The following OSBPL7 variants were observed in gnomAD, a reference collection of about 807,000 sequenced individuals.
OSBPL7 encodes oxysterol-binding protein-related protein 7.
In OSBPL7, 66 loss-of-function variants were observed where a neutral mutation model predicts 115.8. The ratio of observed to expected loss-of-function variants is 0.57; its 90% confidence interval spans 0.47 to 0.70. OSBPL7 has a LOEUF of 0.70. Among genes scored for constraint, OSBPL7 ranks in the 30% least tolerant of loss-of-function variants. OSBPL7 has a pLI of 0.00. For missense variants in OSBPL7, 902 were observed against 1,125.5 expected, an observed-to-expected ratio of 0.80 and a Z score of 2.84; for synonymous variants, 441 against 439.2, an observed-to-expected ratio of 1.00 and a Z score of -0.05.
At position 47,813,727 on chromosome 17, in the gene OSBPL7, T is replaced by C. The variant is rs999387057; in HGVS notation, c.1459A>G (p.Ile487Val). 9.3e-6 allele frequency: 15 copies of C among 1,613,310 alleles called. No homozygotes were observed. Among genetic ancestry groups the C allele is most frequent in the Non-Finnish European group, 1.1e-5 (13 of 1,179,986 alleles). Residue 487 changes from isoleucine to valine, a missense_variant, in exon 15 of 23, where the codon ATC (isoleucine) becomes GTC (valine). Physicochemically the swap from Ile to Val is conservative, Grantham distance 29 (BLOSUM62 3). Transcript: ENST00000007414. ...GACACCTTGGACAGGTCTTTGCCGA[T>C]GTTGTTGCGCAGAATGTTCCACAGG... ...VSLWNILRNN[I>V]GKDLSKVSMP... is the part of the protein sequence containing the mutation.
In OSBPL7 at chr17:47,816,224, C is replaced by T. The variant is rs960676792; in HGVS notation, c.1024-22G>A. 11 of 1,544,246 alleles carry T rather than the reference C, an allele frequency of 7.1e-6. No homozygotes were observed. In the African/African-American group the frequency reaches 1.4e-4, roughly 19 times the overall value. Reference sequence around the variant, plus strand: ...AGACCTGCAGGGAGAGGGTGAGGGACACGGTGCCAGGAGGATGAGGTCCTC... The same window carrying T: ...AGACCTGCAGGGAGAGGGTGAGGGATACGGTGCCAGGAGGATGAGGTCCTC... On this transcript the variant is annotated intron_variant, in intron 11 of 22. Coordinates refer to ENST00000007414, the MANE Select transcript of OSBPL7 (RefSeq NM_145798.3). This position sits in a 1 kb window ranked among gnomAD's most constrained non-coding sequence, Gnocchi z 5.8.
chr17:47,820,365 C>T lies in OSBPL7; in HGVS notation c.-87G>A, dbSNP rs1297439207. Reference sequence around the variant, plus strand: ...GGATGTCACCTGCTCCTGACGGGGTCCTTGAAGCAAGAGAAAGACCCCCTT... The same window carrying T: ...GGATGTCACCTGCTCCTGACGGGGTTCTTGAAGCAAGAGAAAGACCCCCTT... On this transcript the variant is annotated splice_region_variant and 5_prime_UTR_variant, in exon 2 of 23. Coordinates refer to ENST00000007414, the MANE Select transcript of OSBPL7 (RefSeq NM_145798.3). The T allele has an allele frequency of 7.4e-7, 1 of 1,346,126 alleles. No homozygotes were observed. Among genetic ancestry groups the T allele is most frequent in the Non-Finnish European group, 1.0e-6 (1 of 984,994 alleles). 83.4% of individuals were successfully genotyped at this position (1,346,126 alleles called of 1,614,324 possible).
chr17:47,813,448 C>A (rs750449731), intron 15 of OSBPL7, 45 bp from the exon 16 acceptor site: 3 of 1,610,340 alleles, frequency 1.9e-6, no homozygotes, highest in South Asian at 1.1e-5. Flanking sequence ...ACGGGGCCGC[C>A]ACCCCAAGCA....
intron 13 of OSBPL7, 128 bp downstream of exon 13, chr17:47,815,087 A>G: frequency 8.0e-7 from 1 of 1,256,232 alleles, no homozygotes; most frequent in Non-Finnish European, 1.1e-6. Context: ...TGATCTGGAC[A>G]TAGTCCCAGA....
rs769548094 is a variant in OSBPL7 at position 47,815,248 on chromosome 17, C to T, written c.1224G>A (p.Glu408=). Residue 408 remains glutamate, a synonymous_variant, in exon 13 of 23, where the codon GAG becomes GAA. Coordinates refer to ENST00000007414, the MANE Select transcript of OSBPL7 (RefSeq NM_145798.3). ...DSHTEFFDAC[E]VLLSASSSEN... is the part of the protein sequence containing the mutation. Reference sequence around the variant, plus strand: ...CAGAAGAGCTGGCGGAGAGGAGAACCTCGCAGGCATCGAAGAACTCCGTGT... The same window carrying T: ...CAGAAGAGCTGGCGGAGAGGAGAACTTCGCAGGCATCGAAGAACTCCGTGT... 29 of 1,613,780 alleles carry T rather than the reference C, an allele frequency of 1.8e-5. No individual in the cohort carries two copies. The Admixed American group carries it at 4.5e-4, about 25-fold the overall frequency.
At chr17:47,812,493 C>T (rs891397431) in intron 16 of OSBPL7, among the ~76,000 whole-genome samples, 5 of 145,022 alleles carry the variant, frequency 3.4e-5, no homozygotes, top group African/African-American at 1.2e-4. Context: ...TAGTGTGTTC[C>T]CACACACATT....
rs573268607 is a variant in OSBPL7, at chr17:47,818,367, G to A, written c.500C>T (p.Pro167Leu). ...AHRKVPGAQLPTAATASALPG... is the reference protein window; with the variant it reads ...AHRKVPGAQLLTAATASALPG... ...TAGGGCTGAGGCAGTAGCTGCTGTTGGAAGCTGGGCACCAGGAACCTGTGG... is the reference window on the plus strand; with the variant it reads ...TAGGGCTGAGGCAGTAGCTGCTGTTAGAAGCTGGGCACCAGGAACCTGTGG... The change falls in exon 7 of 23, where the codon CCA becomes CTA. Residue 167 changes from proline to leucine, a missense_variant. Pro to Leu is a moderately conservative substitution (Grantham distance 98). Transcript: ENST00000007414. The A allele has an allele frequency of 1.2e-6, 2 of 1,613,988 alleles. No individual in the cohort carries two copies. Among genetic ancestry groups the A allele is most frequent in the African/African-American group, 2.7e-5 (2 of 75,056 alleles).
At chr17:47,818,663 A>G (rs1466109068) in intron 5 of OSBPL7, 47 bp from the exon 6 acceptor site, 3 of 1,502,040 alleles carry the variant, frequency 2.0e-6, no homozygotes, top group Non-Finnish European at 2.7e-6. Flanking sequence ...GAGAGGGACC[A>G]CTTTCCAAGA....
Position 47,816,230 on chromosome 17 carries a change from G to A in OSBPL7, c.1024-28C>T, listed in dbSNP as rs1412047932. 1.9e-6 allele frequency: 3 copies of A among 1,540,400 alleles called. No homozygotes were observed. Among genetic ancestry groups the A allele is most frequent in the Non-Finnish European group, 2.6e-6 (3 of 1,139,484 alleles). On this transcript the variant is annotated intron_variant, in intron 11 of 22. Coordinates refer to ENST00000007414, the MANE Select transcript of OSBPL7 (RefSeq NM_145798.3). The surrounding 1 kb of genome is among the most constrained non-coding windows in gnomAD (Gnocchi z 5.8). ...GCAGGGAGAGGGTGAGGGACACGGTGCCAGGAGGATGAGGTCCTCCCCACC... is the reference window on the plus strand; with the variant it reads ...GCAGGGAGAGGGTGAGGGACACGGTACCAGGAGGATGAGGTCCTCCCCACC...
Position 47,813,584 on chromosome 17 carries a change from T to C in OSBPL7, c.1599+3A>G, listed in dbSNP as rs376783953. Reference sequence around the variant, plus strand: ...GCTGGGCGTGAGGACAGGAAGCAGGTACCATGCGCTCGCAGGGGTCGGCGA... The same window carrying C: ...GCTGGGCGTGAGGACAGGAAGCAGGCACCATGCGCTCGCAGGGGTCGGCGA... On this transcript the variant is annotated splice_donor_region_variant and intron_variant, in intron 15 of 22. Coordinates refer to ENST00000007414, the MANE Select transcript of OSBPL7 (RefSeq NM_145798.3). 120 of 1,608,726 alleles carry C rather than the reference T, an allele frequency of 7.5e-5. No homozygotes were observed. In the African/African-American group the frequency reaches 1.5e-3, roughly 20 times the overall value.
chr17:47,816,462 C>A lies in OSBPL7; in HGVS notation c.949G>T (p.Val317Phe), dbSNP rs372046399. 3 of 1,545,422 alleles carry A rather than the reference C, an allele frequency of 1.9e-6. No individual in the cohort carries two copies. Among genetic ancestry groups the A allele is most frequent in the South Asian group, 2.4e-5 (2 of 82,136 alleles). ...CGTTCCATGGTGAGGGCGGCCAGGA[C>A]GCTGCTGAGGGAGCTGTGCACTACA... ...AQKVHSSLSS[V>F]LAALTMERDQ... Residue 317 changes from valine to phenylalanine, a missense_variant, in exon 11 of 23, where the codon GTC (valine) becomes TTC (phenylalanine). Val to Phe is a conservative substitution (Grantham distance 50, BLOSUM62 -1). Transcript: ENST00000007414. The surrounding 1 kb of genome is among the most constrained non-coding windows in gnomAD (Gnocchi z 5.8).
At chr17:47,817,673 G>A (rs113644715) in intron 7 of OSBPL7, among the ~76,000 whole-genome samples, 1 of 152,282 alleles carries the variant, frequency 6.6e-6, no homozygotes, top group African/African-American at 2.4e-5. Context: ...TTACAGGCAT[G>A]AGCCACCGAA....
chr17:47,813,607 C>A lies in OSBPL7; in HGVS notation c.1579G>T (p.Ala527Ser), dbSNP rs888913478. 1 of 1,611,210 alleles carries A rather than the reference C, an allele frequency of 6.2e-7. No individual in the cohort carries two copies. Among genetic ancestry groups the A allele is most frequent in the Non-Finnish European group, 8.5e-7 (1 of 1,178,806 alleles). ...SSLLDQASRI[A>S]DPCERMVYIA... is the part of the protein sequence containing the mutation. ...GGTACCATGCGCTCGCAGGGGTCGGCGATGCGGCTGGCCTGGTCCAGGAGG... is the reference window on the plus strand; with the variant it reads ...GGTACCATGCGCTCGCAGGGGTCGGAGATGCGGCTGGCCTGGTCCAGGAGG... Residue 527 changes from alanine to serine, a missense_variant, in exon 15 of 23, where the codon GCC becomes TCC. This residue lies in a region of OSBPL7 where 667 missense variants were observed against 788.7 expected (regional missense o/e 0.85). Transcript: ENST00000007414.
intron 3 of OSBPL7, 42 bp downstream of exon 3, chr17:47,819,929 C>G: frequency 6.4e-7 from 1 of 1,558,334 alleles, no homozygotes; most frequent in Non-Finnish European, 8.8e-7. Flanking sequence ...ATTCCCACCC[C>G]GCCCCCCATG....
chr17:47,820,140 G>A lies in OSBPL7; in HGVS notation c.76-44C>T, dbSNP rs769222992. 99 of 1,613,328 alleles carry A rather than the reference G, an allele frequency of 6.1e-5. No individual in the cohort carries two copies. The highest frequency in any genetic ancestry group is 1.1e-4 in the East Asian group (5 of 44,848). ...GGAGGGGAGCACTGGTGAGACGTCC[G>A]CCTTGGCCCCTCCCTGTCTGGTTCC... On this transcript the variant is annotated intron_variant, in intron 2 of 22. Coordinates refer to ENST00000007414, the MANE Select transcript of OSBPL7 (RefSeq NM_145798.3).
At chr17:47,812,760 G>A (rs934800060) in intron 16 of OSBPL7, among the ~76,000 whole-genome samples, 7 of 152,142 alleles carry the variant, frequency 4.6e-5, no homozygotes, top group East Asian at 1.9e-4. Flanking sequence ...CACACCACCC[G>A]GGTGTGCTTT....
In OSBPL7 at chr17:47,813,906, G is replaced by C. The variant is rs993618056; in HGVS notation, c.1352-72C>G. ...CCAGACATGGCAAGCCCACAGCCCA[G>C]TCCAGGGCCCAGCTGCCTCCCAAGC... On this transcript the variant is annotated intron_variant, in intron 14 of 22. Transcript: ENST00000007414. The C allele has an allele frequency of 2.7e-6, 4 of 1,507,210 alleles. No homozygotes were observed. In the African/African-American group the frequency reaches 5.5e-5, roughly 21 times the overall value. The allele number at this position is 1,507,210 out of a possible 1,614,324, so 93.4% of individuals were successfully genotyped here. A position where few individuals can be genotyped will look rare whatever the true frequency, so the allele number is the denominator to read the frequency against.
At position 47,808,498 on chromosome 17, in the gene OSBPL7, C is replaced by T; in HGVS notation, c.2420+40G>A. 1 of 1,614,040 alleles carries T rather than the reference C, an allele frequency of 6.2e-7. No homozygotes were observed. The highest frequency in any genetic ancestry group is 8.5e-7 in the Non-Finnish European group (1 of 1,179,922). On this transcript the variant is annotated intron_variant, in intron 22 of 22. Coordinates refer to ENST00000007414, the MANE Select transcript of OSBPL7 (RefSeq NM_145798.3). The surrounding 1 kb of genome is among the most constrained non-coding windows in gnomAD (Gnocchi z 6.1). ...CACACCTGCCCTGCTCCAAGCAGGG[C>T]TCATGGGGAGACCCAGGGCGGAGGG... is the stretch of plus-strand genomic sequence containing the variant.
intron 4 of OSBPL7, chr17:47,819,353 G>A: frequency 1.8e-6 from 1 of 567,808 alleles, no homozygotes; most frequent in Non-Finnish European, 3.1e-6. Flanking sequence ...GGGGTCTGCA[G>A]GGTTGTGGAA....
Sources: gnomAD v4.1 joint callset for allele counts (sites outside exome capture counted in the v4.1 genomes callset) on GRCh38, gnomAD v4.1.1 for gene constraint, gnomAD v4.1.1 regional missense constraint, Gnocchi (gnomAD v3.1) non-coding constraint, MANE v1.5 for transcripts, NCBI Gene and HGNC (gene_info 2026-07-23, HGNC 2026-07-21) for gene names.